The following OLA1 variants were observed in gnomAD, a reference collection of about 807,000 sequenced individuals.
The protein encoded by OLA1 is obg-like ATPase 1.
In OLA1, 14 loss-of-function variants were observed where a neutral mutation model predicts 48.4. The ratio of observed to expected loss-of-function variants is 0.29; its 90% CI spans 0.19 to 0.45. The LOEUF (loss-of-function observed/expected upper bound fraction) is 0.45. Ranked by LOEUF, OLA1 falls within the 20% of genes least tolerant of loss-of-function variation. The pLI is 1.00. For synonymous variants in OLA1, 127 were observed against 150.4 expected (o/e 0.84, Z 1.14); for missense variants, 325 against 467.1 (o/e 0.70, Z 2.80).
intron 7 of OLA1, among the ~76,000 whole-genome samples, chr2:174,122,357 T>A (rs1685932507): frequency 6.6e-6 from 1 of 152,240 alleles, no homozygotes; most frequent in South Asian, 2.1e-4. Flanking sequence ...CTCTTTGATA[T>A]CATATGGAAA....
chr2:174,237,528 G>A (rs565767204), intron 2 of OLA1, among the ~76,000 whole-genome samples: 1 of 152,186 alleles, frequency 6.6e-6, no homozygotes, highest in East Asian at 1.9e-4. Context: ...CAAAGAGATC[G>A]CTTGAAGCCA....
At chr2:174,160,854 C>T (rs1197671162) in intron 4 of OLA1, among the ~76,000 whole-genome samples, 4 of 152,166 alleles carry the variant, frequency 2.6e-5, no homozygotes, top group African/African-American at 4.8e-5. Context: ...AAGCAAATTA[C>T]TCCGGGATGT....
At chr2:174,198,239 G>A (rs964587006) in intron 4 of OLA1, among the ~76,000 whole-genome samples, 6 of 152,130 alleles carry the variant, frequency 3.9e-5, no homozygotes, top group South Asian at 2.1e-4. Flanking sequence ...GGGATTACAG[G>A]CATGAGCCAC....
At chr2:174,124,153 T>A (rs1448919469) in intron 5 of OLA1, 2 of 152,226 alleles carry the variant, frequency 1.3e-5, no homozygotes, top group African/African-American at 4.8e-5. Flanking sequence ...GATCCCTTTT[T>A]ATTTTAGATT....
chr2:174,246,822 T>A lies in OLA1; in HGVS notation c.1-7A>T, dbSNP rs1433722975. On this transcript the variant is annotated splice_region_variant and splice_polypyrimidine_tract_variant and intron_variant, in intron 1 of 10. Coordinates refer to ENST00000284719, the MANE Select transcript of OLA1 (RefSeq NM_013341.5). ...CTCCCTTTTTAGGGGGCATCTGAAA[T>A]ACCAAAGCAAACATATGAACAAAAC... is the stretch of plus-strand genomic sequence containing the variant. 2.5e-6 allele frequency: 4 copies of A among 1,587,540 alleles called. No homozygotes were observed. The highest frequency in any genetic ancestry group is 2.2e-5 in the East Asian group (1 of 44,740).
chr2:174,224,886 A>G (rs1456630744), intron 3 of OLA1, among the ~76,000 whole-genome samples: 1 of 152,220 alleles, frequency 6.6e-6, no homozygotes, highest in East Asian at 1.9e-4. Context: ...TACTAACTCA[A>G]TAAATCAGCT....
At chr2:174,167,421 C>A (rs986256547) in intron 4 of OLA1, among the ~76,000 whole-genome samples, 1 of 152,082 alleles carries the variant, frequency 6.6e-6, no homozygotes, top group African/African-American at 2.4e-5. Flanking sequence ...ACTAAAAATG[C>A]AAAAATTAGC....
chr2:174,172,355 T>TC (rs959624721), intron 4 of OLA1: 8 of 81,196 alleles, frequency 9.9e-5, no homozygotes, highest in Admixed American at 8.6e-4. Context: ...AAAAGAGTGC[T>TC]CCCGAAGGCC....
At chr2:174,239,243 A>T (rs558038679) in intron 2 of OLA1, among the ~76,000 whole-genome samples, 5 of 152,352 alleles carry the variant, frequency 3.3e-5, no homozygotes, top group African/African-American at 1.2e-4. Context: ...ATATATGTAC[A>T]AAATTTCAAA....
intron 4 of OLA1, among the ~76,000 whole-genome samples, chr2:174,204,750 A>C (rs577051026): frequency 3.3e-5 from 5 of 150,100 alleles, no homozygotes; most frequent in Admixed American, 6.6e-5. Flanking sequence ...ATAAAAAAAA[A>C]CTTTAAGAAA....
chr2:174,154,090 T>G (rs773410528), intron 4 of OLA1, among the ~76,000 whole-genome samples: 13 of 152,122 alleles, frequency 8.5e-5, no homozygotes, highest in Non-Finnish European at 1.8e-4. Flanking sequence ...AGGCTGATCT[T>G]GAACTGCTGG....
chr2:174,242,640 G>GA (rs34406821), intron 2 of OLA1, among the ~76,000 whole-genome samples: 83 of 151,950 alleles, frequency 5.5e-4, no homozygotes, highest in African/African-American at 2.0e-3. Context: ...TTTACATGAA[G>GA]AAAAAAAACT....
rs1357173974 is a variant in OLA1, at chr2:174,246,802, T to C, written c.14A>G (p.Lys5Arg). 6.2e-7 allele frequency: 1 copy of C among 1,609,302 alleles called. No individual in the cohort carries two copies. Among genetic ancestry groups the C allele is most frequent in the African/African-American group, 1.3e-5 (1 of 74,766 alleles). ...GGGTGGTTTAATTCCATCACCTCCC[T>C]TTTTAGGGGGCATCTGAAATACCAA... The part of the protein sequence containing the change: MPPK[K>R]GGDGIKPPPI... Residue 5 changes from lysine to arginine, a missense_variant, in exon 2 of 11, where the codon AAG becomes AGG. Physicochemically the swap from Lys to Arg is conservative, Grantham distance 26. Transcript: ENST00000284719.
intron 1 of OLA1, chr2:174,248,217 G>C (rs1167210959): frequency 6.3e-6 from 1 of 158,410 alleles, no homozygotes; most frequent in East Asian, 1.8e-4. Context: ...GCCACCGGGC[G>C]TCCTGGCGTC....
intron 4 of OLA1, among the ~76,000 whole-genome samples, chr2:174,165,633 T>A (rs964136175): frequency 2.0e-5 from 3 of 152,234 alleles, no homozygotes; most frequent in Non-Finnish European, 4.4e-5. Flanking sequence ...GTTAAAGTTT[T>A]CTTCCTTAAA....
In OLA1 at chr2:174,161,681, T is replaced by TACACACAC. The variant is rs55713860; in HGVS notation, c.374-19689_374-19682dup. Among the ~76,000 whole-genome samples, 7 of 141,172 alleles carry TACACACAC rather than the reference T, an allele frequency of 5.0e-5. No homozygotes were observed. The South Asian group carries it at 6.8e-4, about 14-fold the overall frequency. The allele number at this position is 141,172 out of a possible 152,430, so 92.6% of individuals were successfully genotyped here. On this transcript the variant is annotated intron_variant, in intron 4 of 10. Transcript: ENST00000284719. Reference sequence around the variant, plus strand: ...CTTTGTCTCTTTAAAAAAAAAAAAATACACACACACACACACACACACACA... The same window carrying TACACACAC: ...CTTTGTCTCTTTAAAAAAAAAAAAATACACACACACACACACACACACACACACACACA...
At chr2:174,188,015 G>A (rs1574537843) in intron 4 of OLA1, among the ~76,000 whole-genome samples, 2 of 152,236 alleles carry the variant, frequency 1.3e-5, no homozygotes, top group South Asian at 4.1e-4. Flanking sequence ...CTGGAATGAG[G>A]CTCCAGTTGT....
intron 7 of OLA1, among the ~76,000 whole-genome samples, chr2:174,104,216 G>A (rs763370343): frequency 2.1e-4 from 32 of 151,528 alleles, no homozygotes; most frequent in Middle Eastern, 3.5e-3. Flanking sequence ...TGGTTCCAGA[G>A]AGCCATTTCT....
At chr2:174,150,077 A>G (rs552119315) in intron 4 of OLA1, among the ~76,000 whole-genome samples, 14 of 152,330 alleles carry the variant, frequency 9.2e-5, no homozygotes, top group Non-Finnish European at 1.8e-4. Context: ...TATAGTTTCA[A>G]TGTGTTCCGC....
Sources: allele counts gnomAD v4.1 joint callset (sites outside exome capture counted in the v4.1 genomes callset), GRCh38; gene constraint gnomAD v4.1.1; transcripts MANE v1.5; gene names NCBI Gene and HGNC (gene_info 2026-07-23, HGNC 2026-07-21).